Variants in WWP2 observed in about 807,000 individuals in gnomAD.
WWP2 encodes WW domain containing E3 ubiquitin protein ligase 2.
WWP2 carries 57 observed loss-of-function variants against 121.0 expected under a neutral mutation model. The observed-to-expected ratio is 0.47, with a 90% CI of 0.38 to 0.59. WWP2 has a LOEUF of 0.59. Ranked by LOEUF, WWP2 falls within the 20% of genes least tolerant of loss-of-function variation. WWP2 has a pLI of 0.00. For missense variants in WWP2, 962 were observed against 1,158.9 expected (o/e 0.83, Z 2.47); for synonymous variants, 449 against 441.3 (o/e 1.02, Z -0.22).
At chr16:69,862,074 G>A (rs1465319194) in intron 6 of WWP2, among the ~76,000 whole-genome samples, 1 of 152,072 alleles carries the variant, frequency 6.6e-6, no homozygotes, top group Non-Finnish European at 1.5e-5. Context: ...TGTTTTGTTT[G>A]TTTGTTTTGA....
At chr16:69,797,754 T>G (rs1161455024) in intron 2 of WWP2, among the ~76,000 whole-genome samples, 1 of 151,544 alleles carries the variant, frequency 6.6e-6, no homozygotes, top group Non-Finnish European at 1.5e-5. Flanking sequence ...CCAGGCACGG[T>G]GGCGGGCGCC....
intron 9 of WWP2, among the ~76,000 whole-genome samples, chr16:69,915,650 C>T (rs2058468218): frequency 6.6e-6 from 1 of 152,152 alleles, no homozygotes; most frequent in African/African-American, 2.4e-5. Context: ...AAAGTGGTTG[C>T]CTTCGGGGAA....
chr16:69,864,245 G>A (rs2057478403), intron 6 of WWP2, among the ~76,000 whole-genome samples: 1 of 152,104 alleles, frequency 6.6e-6, no homozygotes, highest in Non-Finnish European at 1.5e-5. Context: ...GTGCGCACCT[G>A]TGATCCCAGC....
intron 19 of WWP2, 197 bp from the exon 20 acceptor site, chr16:69,936,921 C>G: frequency 1.5e-6 from 1 of 658,642 alleles, no homozygotes; most frequent in Non-Finnish European, 2.5e-6. Context: ...AGGATGATTT[C>G]AAAGACTCCG....
At chr16:69,821,024 C>A (rs531628228) in intron 4 of WWP2, among the ~76,000 whole-genome samples, 1 of 152,236 alleles carries the variant, frequency 6.6e-6, no homozygotes, top group African/African-American at 2.4e-5. Context: ...CAGTTCCAGC[C>A]GCCAAATGCA....
At chr16:69,804,460 C>T (rs1383814395) in intron 4 of WWP2, among the ~76,000 whole-genome samples, 1 of 152,092 alleles carries the variant, frequency 6.6e-6, no homozygotes, top group Non-Finnish European at 1.5e-5. Flanking sequence ...CATCTGTTTC[C>T]CCAATGACTT....
intron 6 of WWP2, among the ~76,000 whole-genome samples, chr16:69,854,704 C>G (rs2151894029): frequency 6.6e-6 from 1 of 152,278 alleles, no homozygotes; most frequent in Middle Eastern, 3.4e-3. Flanking sequence ...GCACCTGCCA[C>G]CACGCCTGGA....
In WWP2 at chr16:69,803,584, T is replaced by TTG. The variant is rs558295392; in HGVS notation, c.340+4302_340+4303dup. On this transcript the variant is annotated intron_variant, in intron 4 of 23. Coordinates refer to ENST00000359154, the MANE Select transcript of WWP2 (RefSeq NM_001270454.2). ...GGCCCCCCACTTCCACCCTGCTTTT[T>TTG]TGTGTGTGTGTGTGAAAGCAAATTT... 2.2e-3 allele frequency among the ~76,000 whole-genome samples: 341 copies of TTG among 152,054 alleles called. 2 individuals carry two copies. The highest frequency in any genetic ancestry group is 5.6e-3 in the South Asian group (27 of 4,812).
chr16:69,881,394 G>A (rs2057827388), intron 7 of WWP2, among the ~76,000 whole-genome samples: 1 of 152,164 alleles, frequency 6.6e-6, no homozygotes, highest in South Asian at 2.1e-4. Context: ...AAGGGCATTG[G>A]GAGGATCAAT....
In WWP2 at chr16:69,890,121, A is replaced by AT. The variant is rs57520353; in HGVS notation, c.914+1890dup. Among the ~76,000 whole-genome samples, 1,269 of 133,102 alleles carry AT rather than the reference A, an allele frequency of 9.5e-3. 7 individuals are homozygous for AT. The highest frequency in any genetic ancestry group is 0.014 in the African/African-American group (501 of 35,702). The allele number at this position is 133,102 out of a possible 152,430, so 87.3% of individuals were successfully genotyped here. The stretch of plus-strand genomic sequence containing the variant: ...AGGCGTGCACCACCATGCCTGGATA[A>AT]TTTTTTTTTTTTTTTTTTGTAGAGA... On this transcript the variant is annotated intron_variant, in intron 8 of 23. Coordinates refer to ENST00000359154, the MANE Select transcript of WWP2 (RefSeq NM_001270454.2).
chr16:69,784,658 T>C, intron 1 of WWP2, among the ~76,000 whole-genome samples: 1 of 152,314 alleles, frequency 6.6e-6, no homozygotes, highest in East Asian at 1.9e-4. Context: ...GTTTTTAATA[T>C]TCTGTGTGCT....
At chr16:69,917,616 T>A in intron 9 of WWP2, 93 bp from the exon 10 acceptor site, 1 of 1,474,400 alleles carries the variant, frequency 6.8e-7, no homozygotes, top group Non-Finnish European at 9.2e-7. Context: ...TGACAGGGCC[T>A]GCCCGGCTGT....
intron 4 of WWP2, among the ~76,000 whole-genome samples, chr16:69,819,282 T>A (rs1468908399): frequency 6.6e-6 from 1 of 152,164 alleles, no homozygotes; most frequent in Non-Finnish European, 1.5e-5. Context: ...AAACCAGAAG[T>A]CAAATTGTAT....
At chr16:69,772,632 A>T (rs1168852876) in intron 1 of WWP2, among the ~76,000 whole-genome samples, 2 of 152,104 alleles carry the variant, frequency 1.3e-5, no homozygotes, top group Non-Finnish European at 2.9e-5. Context: ...CAAGTTAAGG[A>T]GTGGGCTATT....
chr16:69,766,121 C>T (rs1307642633), intron 1 of WWP2, among the ~76,000 whole-genome samples: 1 of 152,130 alleles, frequency 6.6e-6, no homozygotes, highest in Non-Finnish European at 1.5e-5. Context: ...TTGAGCCCTA[C>T]ACCTGCCCCT....
At chr16:69,831,557 A>G (rs947138500) in intron 4 of WWP2, among the ~76,000 whole-genome samples, 2 of 152,154 alleles carry the variant, frequency 1.3e-5, no homozygotes, top group African/African-American at 4.8e-5. Flanking sequence ...CAGGTCAAGA[A>G]AGGGAAAAAG....
At chr16:69,850,672 G>C (rs550090075) in intron 6 of WWP2, among the ~76,000 whole-genome samples, 1 of 152,148 alleles carries the variant, frequency 6.6e-6, no homozygotes, top group East Asian at 1.9e-4. Context: ...AGGCAAGGAG[G>C]AGTAAGAGAA....
At chr16:69,867,736 C>T (rs1184504404) in intron 6 of WWP2, among the ~76,000 whole-genome samples, 1 of 152,326 alleles carries the variant, frequency 6.6e-6, no homozygotes, top group African/African-American at 2.4e-5. Context: ...AGCTGAATTT[C>T]TGTAATGAGT....
rs1289664104 is a variant in WWP2, at chr16:69,871,839, C to T, written c.611C>T (p.Thr204Ile). The change falls in exon 7 of 24, where the codon ACC (threonine) becomes ATC (isoleucine). Residue 204 changes from threonine to isoleucine, a missense_variant. By Grantham distance (89) the Thr-to-Ile change is moderately conservative (BLOSUM62 -1). This residue lies in a region of WWP2 where 211 missense variants were observed against 196.5 expected (regional missense o/e 1.07). Coordinates refer to ENST00000359154, the MANE Select transcript of WWP2 (RefSeq NM_001270454.2). ...CATTCGGGTGCTTCAGCCAGAACAA[C>T]CCCAGCAACCGGCGAGCAAAGCCCC... ...HRHSGASART[T>I]PATGEQSPGA... The T allele has an allele frequency of 6.2e-7, 1 of 1,614,142 alleles. No homozygotes were observed. The highest frequency in any genetic ancestry group is 8.5e-7 in the Non-Finnish European group (1 of 1,180,026).
Sources: gnomAD v4.1 joint callset for allele counts (sites outside exome capture counted in the v4.1 genomes callset) on GRCh38, gnomAD v4.1.1 for gene constraint, gnomAD v4.1.1 regional missense constraint, MANE v1.5 for transcripts, NCBI Gene and HGNC (gene_info 2026-07-23, HGNC 2026-07-21) for gene names.